CACNA1I: variants seen among roughly 807,000 people sequenced by gnomAD.
CACNA1I encodes voltage-dependent T-type calcium channel subunit alpha-1I.
In CACNA1I, 74 loss-of-function variants were observed where a neutral mutation model predicts 201.6. That is an observed-to-expected ratio of 0.37 (90% CI 0.30 to 0.45). CACNA1I has a LOEUF of 0.45. Ranked by LOEUF, CACNA1I falls within the 20% of genes least tolerant of loss-of-function variation. The pLI is 1.00. For synonymous variants in CACNA1I, 1,431 were observed against 1,345.2 expected (o/e 1.06, Z -1.40); for missense variants, 2,346 against 3,138.1 (o/e 0.75, Z 6.03).
intron 8 of CACNA1I, among the ~76,000 whole-genome samples, chr22:39,647,572 C>T (rs552372641): frequency 1.1e-4 from 16 of 152,238 alleles, no homozygotes; most frequent in East Asian, 7.7e-4. Flanking sequence ...CCACCATGCC[C>T]GGCTAATTTT....
chr22:39,645,857 C>A (rs1158876073), intron 7 of CACNA1I, among the ~76,000 whole-genome samples: 1 of 152,252 alleles, frequency 6.6e-6, no homozygotes, highest in African/African-American at 2.4e-5. Context: ...GGCAGCCTCT[C>A]CCCCTTCATT....
chr22:39,666,343 T>G lies in CACNA1I; in HGVS notation c.4104+337T>G, dbSNP rs559189383. Among the ~76,000 whole-genome samples the G allele has an allele frequency of 2.0e-5, 3 of 151,866 alleles. No individual in the cohort carries two copies. The East Asian group carries it at 5.8e-4, about 30-fold the overall frequency. ...GGAGGTGAATCCAGCTCTGCCACCT[T>G]CTGTAGGTGTGGCCTCCCTGAGCCT... On this transcript the variant is annotated intron_variant, in intron 23 of 36. Coordinates refer to ENST00000402142, the MANE Select transcript of CACNA1I (RefSeq NM_021096.4). This position sits in a 1 kb window ranked among gnomAD's most constrained non-coding sequence, Gnocchi z 4.1.
chr22:39,598,014 T>C (rs1359016000), intron 1 of CACNA1I, 137 bp from the exon 2 acceptor site: 2 of 641,076 alleles, frequency 3.1e-6, no homozygotes, highest in Middle Eastern at 2.7e-4. Context: ...GTTTCAGGGA[T>C]GGCACCCAGA....
chr22:39,626,247 C>T (rs577889828), intron 4 of CACNA1I, among the ~76,000 whole-genome samples: 3 of 152,254 alleles, frequency 2.0e-5, no homozygotes, highest in African/African-American at 7.2e-5. Flanking sequence ...GTTAATAATA[C>T]CCATGTCCAT....
At chr22:39,635,588 G>T (rs1934192714) in intron 5 of CACNA1I, among the ~76,000 whole-genome samples, 1 of 152,214 alleles carries the variant, frequency 6.6e-6, no homozygotes. Context: ...TGGGGGAACA[G>T]TAGGGTACCT....
chr22:39,609,930 G>T (rs1933337816), intron 3 of CACNA1I, among the ~76,000 whole-genome samples: 1 of 152,204 alleles, frequency 6.6e-6, no homozygotes, highest in Non-Finnish European at 1.5e-5. Flanking sequence ...GGGCTCTGTT[G>T]AGATCTCTAA....
chr22:39,603,319 A>AT lies in CACNA1I; in HGVS notation c.482+2670dup, dbSNP rs1721018517. On this transcript the variant is annotated intron_variant, in intron 3 of 36. Coordinates refer to ENST00000402142, the MANE Select transcript of CACNA1I (RefSeq NM_021096.4). ...ATGCCTTTCCCCTTTTCTTTCACAG[A>AT]TTTTGCTTGTAATATGAGAGAAATC... Among the ~76,000 whole-genome samples the AT allele has an allele frequency of 2.0e-5, 3 of 151,856 alleles. No individual in the cohort carries two copies. The East Asian group carries it at 5.8e-4, about 29-fold the overall frequency.
In CACNA1I at chr22:39,676,343, G is replaced by A. The variant is rs1935511855; in HGVS notation, c.4855-998G>A. On this transcript the variant is annotated intron_variant, in intron 29 of 36. Transcript: ENST00000402142. This position sits in a 1 kb window ranked among gnomAD's most constrained non-coding sequence, Gnocchi z 4.8. ...TAATTAGTCAGACACTAGCAGTGTA[G>A]AACGGCTGGCCAGGAAACCCTGCTC... 6.6e-6 allele frequency among the ~76,000 whole-genome samples: 1 copy of A among 152,204 alleles called. No individual in the cohort carries two copies. The highest frequency in any genetic ancestry group is 1.5e-5 in the Non-Finnish European group (1 of 68,036).
rs1042607106 is a variant in CACNA1I at position 39,676,807 on chromosome 22, G to A, written c.4855-534G>A. 2.0e-5 allele frequency among the ~76,000 whole-genome samples: 3 copies of A among 152,180 alleles called. No individual in the cohort carries two copies. The highest frequency in any genetic ancestry group is 4.4e-5 in the Non-Finnish European group (3 of 68,030). ...GGGATAAGTGCATTTCGGTGGTTTC[G>A]TAGAGGAGCTAGTGTTAGAGCTGAG... On this transcript the variant is annotated intron_variant, in intron 29 of 36. Transcript: ENST00000402142. The surrounding 1 kb of genome is among the most constrained non-coding windows in gnomAD (Gnocchi z 4.8).
chr22:39,618,059 GTGTATGCGGGTGTGTGGT>G (rs1933598499), intron 3 of CACNA1I, among the ~76,000 whole-genome samples: 1 of 151,730 alleles, frequency 6.6e-6, no homozygotes, highest in African/African-American at 2.4e-5. Context: ...ATTTGTGCTT[GTGTATGCGGGTGTGTGGT>G]TGTTTGCATG....
rs866331939 is a variant in CACNA1I at position 39,684,052 on chromosome 22, C to A, written c.5831-250C>A. On this transcript the variant is annotated intron_variant, in intron 35 of 36. Transcript: ENST00000402142. The surrounding 1 kb of genome is among the most constrained non-coding windows in gnomAD (Gnocchi z 4.6). ...GGCTTGAGCCCGCGTCTGCTTGCCT[C>A]CAAAAGCTGTGTCTTTGCCCAGGGC... Among the ~76,000 whole-genome samples, 3 of 152,336 alleles carry A rather than the reference C, an allele frequency of 2.0e-5. No homozygotes were observed. Among genetic ancestry groups the A allele is most frequent in the African/African-American group, 7.2e-5 (3 of 41,574 alleles).
In CACNA1I at chr22:39,577,647, C is replaced by T. The variant is rs5757735; in HGVS notation, c.236+6659C>T. ...GTCTTTTTGTACAGGAGGAAAACTG[C>T]TCTGGCTGTGCAGCCAGGAGACCCG... is the stretch of plus-strand genomic sequence containing the variant. On this transcript the variant is annotated intron_variant, in intron 1 of 36. Coordinates refer to ENST00000402142, the MANE Select transcript of CACNA1I (RefSeq NM_021096.4). 3.7e-3 allele frequency among the ~76,000 whole-genome samples: 562 copies of T among 152,378 alleles called. 18 individuals are homozygous for T. The East Asian group carries it at 0.081, about 22-fold the overall frequency.
intron 6 of CACNA1I, among the ~76,000 whole-genome samples, chr22:39,641,858 T>A (rs1352783586): frequency 1.1e-4 from 16 of 151,420 alleles, no homozygotes; most frequent in Admixed American, 1.1e-3. Flanking sequence ...TCTCTGTGCC[T>A]CAGTTTTCCC....
chr22:39,581,623 C>T (rs963060799), intron 1 of CACNA1I, among the ~76,000 whole-genome samples: 1 of 152,154 alleles, frequency 6.6e-6, no homozygotes, highest in Non-Finnish European at 1.5e-5. Flanking sequence ...TGTTGAAGGG[C>T]CAGCCCCTGC....
At chr22:39,577,355 G>A (rs904638019) in intron 1 of CACNA1I, among the ~76,000 whole-genome samples, 2 of 152,194 alleles carry the variant, frequency 1.3e-5, no homozygotes, top group Non-Finnish European at 2.9e-5. Context: ...GCTTCTAAGC[G>A]GCCATCTGGT....
intron 5 of CACNA1I, 29 bp downstream of exon 5, chr22:39,634,753 C>A: frequency 6.2e-7 from 1 of 1,601,592 alleles, no homozygotes; most frequent in South Asian, 1.1e-5. Flanking sequence ...ACCCATGCAG[C>A]TCCGGGGACT....
At chr22:39,662,568 C>T in intron 17 of CACNA1I, 133 bp downstream of exon 17, 1 of 751,206 alleles carries the variant, frequency 1.3e-6, no homozygotes, top group Non-Finnish European at 2.1e-6. Flanking sequence ...GCGGCTAGGG[C>T]TTCAGGTGTG....
chr22:39,643,569 T>TC (rs576754634), intron 7 of CACNA1I: 6 of 152,664 alleles, frequency 3.9e-5, no homozygotes, highest in African/African-American at 1.4e-4. Flanking sequence ...CGCTGCTGAA[T>TC]CCCTGCTGCT....
rs760155220 is a variant in CACNA1I, at chr22:39,649,833, C to T, written c.1900C>T (p.Arg634Cys). 11 of 1,613,312 alleles carry T rather than the reference C, an allele frequency of 6.8e-6. No homozygotes were observed. The highest frequency in any genetic ancestry group is 8.5e-6 in the Non-Finnish European group (10 of 1,179,696). ...DVWRETRAKLRGIVDSKYFNR... is the reference protein window; with the variant it reads ...DVWRETRAKLCGIVDSKYFNR... ...GTGGCGGGAGACGCGAGCCAAGCTGCGCGGCATCGTGGACAGCAAGTACTT... is the reference window on the plus strand; with the variant it reads ...GTGGCGGGAGACGCGAGCCAAGCTGTGCGGCATCGTGGACAGCAAGTACTT... The change falls in exon 10 of 37, where the codon CGC (arginine) becomes TGC (cysteine). Residue 634 changes from arginine to cysteine, a missense_variant. By Grantham distance (180) the Arg-to-Cys change is radical (BLOSUM62 -3). This residue lies in a region of CACNA1I where 312 missense variants were observed against 331.5 expected (regional missense o/e 0.94). Transcript: ENST00000402142. The surrounding 1 kb of genome is among the most constrained non-coding windows in gnomAD (Gnocchi z 7.3).
Sources: gnomAD v4.1 joint callset for allele counts (sites outside exome capture counted in the v4.1 genomes callset) on GRCh38, gnomAD v4.1.1 for gene constraint, gnomAD v4.1.1 regional missense constraint, Gnocchi (gnomAD v3.1) non-coding constraint, MANE v1.5 for transcripts, NCBI Gene and HGNC (gene_info 2026-07-23, HGNC 2026-07-21) for gene names.